Variants in CTNNB1 observed in about 807,000 individuals in gnomAD.
The protein encoded by CTNNB1 is catenin beta 1.
In CTNNB1, 6 loss-of-function variants were observed where a neutral mutation model predicts 82.5. That is an observed-to-expected ratio of 0.07 (90% CI 0.04 to 0.14). CTNNB1 has a LOEUF of 0.14. Among genes scored for constraint, CTNNB1 ranks in the 10% least tolerant of loss-of-function variants. The probability of loss-of-function intolerance (pLI) is 1.00; values close to 1 mark genes in which losing one functional copy is unlikely to be tolerated. For missense variants in CTNNB1, 529 were observed against 980.4 expected (o/e 0.54, Z 6.15); for synonymous variants, 312 against 329.7 (o/e 0.95, Z 0.58).
At chr3:41,226,913 T>C (rs530596540) in intron 6 of CTNNB1, among the ~76,000 whole-genome samples, 4 of 152,292 alleles carry the variant, frequency 2.6e-5, no homozygotes, top group Admixed American at 2.6e-4. Flanking sequence ...CCTACCAACA[T>C]AGTTTCTAAA....
chr3:41,218,691 A>G (rs1220528403), intron 1 of CTNNB1, among the ~76,000 whole-genome samples: 1 of 152,212 alleles, frequency 6.6e-6, no homozygotes, highest in Non-Finnish European at 1.5e-5. Flanking sequence ...GGCATATGCC[A>G]CCACACCCAG....
chr3:41,226,131 G>A (rs1346737612), intron 6 of CTNNB1, among the ~76,000 whole-genome samples: 1 of 152,182 alleles, frequency 6.6e-6, no homozygotes, highest in Non-Finnish European at 1.5e-5. Flanking sequence ...CTCTCATGGT[G>A]CAGTTGATCT....
intron 1 of CTNNB1, among the ~76,000 whole-genome samples, chr3:41,222,496 A>G (rs2078073450): frequency 1.3e-5 from 2 of 152,210 alleles, no homozygotes; most frequent in African/African-American, 4.8e-5. Context: ...ATAAATTTTA[A>G]AAGCTAAAAA....
rs760527240 is a variant in CTNNB1 at position 41,225,004 on chromosome 3, A to C, written c.292A>C (p.Met98Leu). ...MTRAQRVRAA[M>L]FPETLDEGMQ... ...TCGAGCTCAGAGGGTACGAGCTGCTATGTTCCCTGAGACATTAGATGAGGG... is the reference window on the plus strand; with the variant it reads ...TCGAGCTCAGAGGGTACGAGCTGCTCTGTTCCCTGAGACATTAGATGAGGG... The change falls in exon 4 of 15, where the codon ATG becomes CTG. Residue 98 changes from methionine (M) to leucine (L), a missense_variant. Met to Leu is a conservative substitution (Grantham distance 15). Transcript: ENST00000349496. This position sits in a 1 kb window ranked among gnomAD's most constrained non-coding sequence, Gnocchi z 5.3. 1 of 1,614,042 alleles carries C rather than the reference A, an allele frequency of 6.2e-7. No homozygotes were observed. Among genetic ancestry groups the C allele is most frequent in the Non-Finnish European group, 8.5e-7 (1 of 1,179,960 alleles).
intron 14 of CTNNB1, 78 bp downstream of exon 14, chr3:41,238,154 C>CA: frequency 2.3e-6 from 3 of 1,320,634 alleles, no homozygotes; most frequent in Non-Finnish European, 3.3e-6. Context: ...CCGGTTTGCT[C>CA]ATCTGGGAAA....
chr3:41,228,904 T>G lies in CTNNB1; in HGVS notation c.1081+1552T>G, dbSNP rs140462279. The stretch of plus-strand genomic sequence containing the variant: ...TCCATTCTGAGTTGATTTTTGTACA[T>G]CATGTAAGGATGGGGTGCAGTTTCA... On this transcript the variant is annotated intron_variant, in intron 7 of 14. Transcript: ENST00000349496. Among the ~76,000 whole-genome samples, 690 of 152,332 alleles carry G rather than the reference T, an allele frequency of 4.5e-3. 6 individuals carry two copies. Among genetic ancestry groups the G allele is most frequent in the African/African-American group, 0.016 (655 of 41,574 alleles).
At position 41,233,570 on chromosome 3, in the gene CTNNB1, G is replaced by A. The variant is rs2125638863; in HGVS notation, c.1227G>A (p.Leu409=). The change falls in exon 9 of 15, where the codon CTG becomes CTA. Residue 409 remains leucine (L), a synonymous_variant. Transcript: ENST00000349496. ...TCCTTGGGACTCTTGTTCAGCTTCT[G>A]GGTTCAGATGATATAAATGTGGTCA... is the stretch of plus-strand genomic sequence containing the variant. ...EGLLGTLVQL[L]GSDDINVVTC... is the part of the protein sequence containing the mutation. The A allele has an allele frequency of 6.2e-7, 1 of 1,614,124 alleles. No homozygotes were observed. Among genetic ancestry groups the A allele is most frequent in the Non-Finnish European group, 8.5e-7 (1 of 1,180,004 alleles).
At chr3:41,214,095 G>A (rs2125599562) in intron 1 of CTNNB1, among the ~76,000 whole-genome samples, 1 of 152,318 alleles carries the variant, frequency 6.6e-6, no homozygotes, top group Middle Eastern at 3.4e-3. Flanking sequence ...ACTCTGTCCA[G>A]TCAGGGTTTT....
In CTNNB1 at chr3:41,233,512, T is replaced by A. The variant is rs764743116; in HGVS notation, c.1186-17T>A. ...TGAGTATGTGCTTGTACTGACCATC[T>A]GTTTTTATCTCCATAGGAAGGGATG... On this transcript the variant is annotated splice_polypyrimidine_tract_variant and intron_variant, in intron 8 of 14. Coordinates refer to ENST00000349496, the MANE Select transcript of CTNNB1 (RefSeq NM_001904.4). 3 of 1,613,750 alleles carry A rather than the reference T, an allele frequency of 1.9e-6. No individual in the cohort carries two copies.
At chr3:41,214,861 T>C (rs2077878693) in intron 1 of CTNNB1, among the ~76,000 whole-genome samples, 1 of 152,198 alleles carries the variant, frequency 6.6e-6, no homozygotes, top group Non-Finnish European at 1.5e-5. Flanking sequence ...GAATGAAGTT[T>C]TAATGGAACA....
At chr3:41,208,859 G>A (rs1387587857) in intron 1 of CTNNB1, among the ~76,000 whole-genome samples, 1 of 151,958 alleles carries the variant, frequency 6.6e-6, no homozygotes, top group African/African-American at 2.4e-5. Context: ...AGCAAACATG[G>A]TATTATCCCA....
Position 41,225,786 on chromosome 3 carries a change from C to T in CTNNB1, c.861C>T (p.Asn287=). The T allele has an allele frequency of 6.2e-7, 1 of 1,614,078 alleles. No individual in the cohort carries two copies. Among genetic ancestry groups the T allele is most frequent in the Non-Finnish European group, 8.5e-7 (1 of 1,179,990 alleles). Residue 287 remains asparagine, a synonymous_variant, in exon 6 of 15, where the codon AAC becomes AAT. Coordinates refer to ENST00000349496, the MANE Select transcript of CTNNB1 (RefSeq NM_001904.4). The surrounding 1 kb of genome is among the most constrained non-coding windows in gnomAD (Gnocchi z 5.3). ...TGCAGAAAATGGTTGCCTTGCTCAA[C>T]AAAACAAATGTTAAATTCTTGGCTA... is the stretch of plus-strand genomic sequence containing the variant. The part of the protein sequence containing the change: ...GGLQKMVALL[N]KTNVKFLAIT...
At chr3:41,206,805 T>C (rs904019606) in intron 1 of CTNNB1, among the ~76,000 whole-genome samples, 1 of 152,152 alleles carries the variant, frequency 6.6e-6, no homozygotes, top group East Asian at 1.9e-4. Context: ...CAAGTGGAGT[T>C]CATTCCCCTG....
intron 1 of CTNNB1, among the ~76,000 whole-genome samples, chr3:41,210,686 G>A (rs935208168): frequency 1.3e-5 from 2 of 151,668 alleles, no homozygotes; most frequent in South Asian, 4.1e-4. Flanking sequence ...TTTTTAAGAA[G>A]TAACAGAAGG....
intron 1 of CTNNB1, among the ~76,000 whole-genome samples, chr3:41,206,917 T>A (rs2077661237): frequency 6.6e-6 from 1 of 152,212 alleles, no homozygotes; most frequent in South Asian, 2.1e-4. Context: ...GATACAAAAG[T>A]TACAAACTGA....
intron 10 of CTNNB1, chr3:41,235,203 T>C (rs190309398): frequency 5.3e-4 from 87 of 164,652 alleles, no homozygotes; most frequent in Middle Eastern, 3.2e-3. Flanking sequence ...TACTTACATA[T>C]TGCAAAAGCT....
chr3:41,201,186 C>T (rs77753231), intron 1 of CTNNB1, among the ~76,000 whole-genome samples: 2,592 of 152,276 alleles, frequency 0.017, 32 homozygotes, highest in Middle Eastern at 0.058. Flanking sequence ...TGTATTCATC[C>T]TAAGAAATAG....
At chr3:41,231,308 CAG>C in intron 7 of CTNNB1, among the ~76,000 whole-genome samples, 1 of 144,062 alleles carries the variant, frequency 6.9e-6, no homozygotes, top group African/African-American at 2.6e-5. Flanking sequence ...GCCTGGGCGA[CAG>C]AGTGAGACTC....
At chr3:41,234,105 G>T in intron 9 of CTNNB1, 34 bp from the exon 10 acceptor site, 2 of 1,613,868 alleles carry the variant, frequency 1.2e-6, no homozygotes, top group South Asian at 2.2e-5. Flanking sequence ...TGATTTTGTT[G>T]AGTTGTATGC....
Sources: gnomAD v4.1 joint callset for allele counts (sites outside exome capture counted in the v4.1 genomes callset) on GRCh38, gnomAD v4.1.1 for gene constraint, Gnocchi (gnomAD v3.1) non-coding constraint, MANE v1.5 for transcripts, NCBI Gene and HGNC (gene_info 2026-07-23, HGNC 2026-07-21) for gene names.